MTSS1: variants seen among roughly 807,000 people sequenced by gnomAD.
MTSS1 encodes the protein protein MTSS 1.
In MTSS1, 18 loss-of-function variants were observed where a neutral mutation model predicts 79.0. The ratio of observed to expected loss-of-function variants is 0.23; its 90% CI spans 0.16 to 0.34. MTSS1 has a LOEUF of 0.34. MTSS1 is among the 10% of genes least tolerant of loss of function. The probability of loss-of-function intolerance (pLI) is 1.00; values close to 1 mark genes in which losing one functional copy is unlikely to be tolerated. For missense variants in MTSS1, 815 were observed against 986.2 expected (o/e 0.83, Z 2.33); for synonymous variants, 341 against 368.6 (o/e 0.93, Z 0.86).
intron 3 of MTSS1, among the ~76,000 whole-genome samples, chr8:124,681,196 T>A (rs1826071492): frequency 6.8e-6 from 1 of 146,906 alleles, no homozygotes; most frequent in African/African-American, 2.6e-5. Flanking sequence ...ACAGAGAAGC[T>A]GTGACATTTA....
intron 1 of MTSS1, among the ~76,000 whole-genome samples, chr8:124,710,728 A>G (rs547815904): frequency 6.6e-6 from 1 of 152,306 alleles, no homozygotes; most frequent in South Asian, 2.1e-4. Context: ...GGTGCTCCAT[A>G]AATAATGCAG....
At chr8:124,681,759 GC>G (rs1420165644) in intron 3 of MTSS1, among the ~76,000 whole-genome samples, 3 of 152,144 alleles carry the variant, frequency 2.0e-5, no homozygotes, top group African/African-American at 7.2e-5. Context: ...TTGCACTCCA[GC>G]CTCAGTGACA....
intron 4 of MTSS1, 65 bp from the exon 5 acceptor site, chr8:124,589,776 A>C: frequency 8.4e-7 from 1 of 1,195,142 alleles, no homozygotes; most frequent in African/African-American, 1.5e-5. Flanking sequence ...CAGGATTTAA[A>C]TGTGGTTGTC....
chr8:124,586,382 G>T (rs911071352), intron 5 of MTSS1, among the ~76,000 whole-genome samples: 3 of 152,120 alleles, frequency 2.0e-5, no homozygotes, highest in African/African-American at 7.2e-5. Flanking sequence ...CTGCTCTAAC[G>T]TCAGCGTGAT....
At chr8:124,633,288 G>A (rs1478170026) in intron 3 of MTSS1, among the ~76,000 whole-genome samples, 1 of 152,148 alleles carries the variant, frequency 6.6e-6, no homozygotes, top group African/African-American at 2.4e-5. Flanking sequence ...AAACCTCTTG[G>A]GAACTCATCT....
At position 124,728,207 on chromosome 8, in the gene MTSS1, T is replaced by C. The variant is rs951784892; in HGVS notation, c.-252A>G. 3 of 352,312 alleles carry C rather than the reference T, an allele frequency of 8.5e-6. No homozygotes were observed. Among genetic ancestry groups the C allele is most frequent in the African/African-American group, 6.4e-5 (3 of 46,694 alleles). 21.8% of individuals were successfully genotyped at this position (352,312 alleles called of 1,614,324 possible). ...AGCGCTCGGCTCCTGGCCTTAAAAA[T>C]GCCGGGAGAAGACTGACAATCAGGC... is the stretch of plus-strand genomic sequence containing the variant. On this transcript the variant is annotated 5_prime_UTR_variant, in exon 1 of 14. Transcript: ENST00000518547. The surrounding 1 kb of genome is among the most constrained non-coding windows in gnomAD (Gnocchi z 6.1).
intron 3 of MTSS1, among the ~76,000 whole-genome samples, chr8:124,622,001 C>T (rs967501561): frequency 3.3e-5 from 5 of 152,058 alleles, no homozygotes; most frequent in African/African-American, 1.2e-4. Context: ...TGGCTTCACT[C>T]TCTCAGTTAA....
intron 3 of MTSS1, among the ~76,000 whole-genome samples, chr8:124,599,047 C>A (rs1476837143): frequency 1.3e-5 from 2 of 152,340 alleles, no homozygotes; most frequent in Middle Eastern, 3.4e-3. Context: ...TACAAAACAG[C>A]AGCTGGAACC....
intron 3 of MTSS1, among the ~76,000 whole-genome samples, chr8:124,658,668 G>A (rs569249392): frequency 2.0e-4 from 30 of 152,288 alleles, no homozygotes; most frequent in African/African-American, 6.7e-4. Context: ...GCAGGAGGGA[G>A]AGACAGAAGG....
At chr8:124,640,394 C>T (rs1280190130) in intron 3 of MTSS1, among the ~76,000 whole-genome samples, 1 of 152,216 alleles carries the variant, frequency 6.6e-6, no homozygotes, top group African/African-American at 2.4e-5. Flanking sequence ...GGGCCAAGGC[C>T]TTCTCTTTAG....
In MTSS1 at chr8:124,589,723, C is replaced by T. The variant is rs74948302; in HGVS notation, c.294-12G>A. On this transcript the variant is annotated splice_polypyrimidine_tract_variant and intron_variant, in intron 4 of 13. Coordinates refer to ENST00000518547, the MANE Select transcript of MTSS1 (RefSeq NM_014751.6). ...AATCAATTAAAGCGCTTTTACCAAG[C>T]GGGGGGGAAAAAGGGAGAAATTAAA... 0.076 allele frequency: 120,169 copies of T among 1,574,714 alleles called. 5,240 individuals are homozygous for T. Among genetic ancestry groups the T allele is most frequent in the Middle Eastern group, 0.089 (531 of 5,948 alleles).
At chr8:124,684,629 T>G (rs1243348261) in intron 3 of MTSS1, among the ~76,000 whole-genome samples, 1 of 152,084 alleles carries the variant, frequency 6.6e-6, no homozygotes, top group East Asian at 1.9e-4. Context: ...TAATAACACT[T>G]TCTTTGTGAG....
chr8:124,553,461 C>T lies in MTSS1; in HGVS notation c.1799G>A (p.Arg600His), dbSNP rs367765263. The change falls in exon 14 of 14, where the codon CGC (arginine) becomes CAC (histidine). Residue 600 changes from arginine (R) to histidine (H), a missense_variant. Transcript: ENST00000518547. The surrounding 1 kb of genome is among the most constrained non-coding windows in gnomAD (Gnocchi z 6.0). ...RRTPSTKPSV[R>H]RGTIGAGPIP... ...GGGACCAGCTCCAATGGTTCCCCGGCGGACAGAAGGCTTGGTGGAAGGGGT... is the reference window on the plus strand; with the variant it reads ...GGGACCAGCTCCAATGGTTCCCCGGTGGACAGAAGGCTTGGTGGAAGGGGT... 15 of 1,608,628 alleles carry T rather than the reference C, an allele frequency of 9.3e-6. No individual in the cohort carries two copies. The highest frequency in any genetic ancestry group is 4.5e-5 in the East Asian group (2 of 44,712).
At chr8:124,682,135 C>T (rs957797215) in intron 3 of MTSS1, among the ~76,000 whole-genome samples, 2 of 152,234 alleles carry the variant, frequency 1.3e-5, no homozygotes, top group African/African-American at 4.8e-5. Flanking sequence ...AGCAGCCATG[C>T]ACTTTCTTAA....
intron 6 of MTSS1, among the ~76,000 whole-genome samples, chr8:124,570,260 A>G (rs1226911272): frequency 6.6e-6 from 1 of 152,198 alleles, no homozygotes; most frequent in Non-Finnish European, 1.5e-5. Flanking sequence ...TAAATACAGT[A>G]TGGACAGCTT....
chr8:124,563,025 A>G (rs911447761), intron 9 of MTSS1, 33 bp from the exon 10 acceptor site: 1 of 1,561,744 alleles, frequency 6.4e-7, no homozygotes, highest in South Asian at 1.2e-5. Flanking sequence ...AGGGGTGGGC[A>G]CGGAAGGTAA....
At chr8:124,635,368 G>A (rs1816786621) in intron 3 of MTSS1, among the ~76,000 whole-genome samples, 1 of 152,206 alleles carries the variant, frequency 6.6e-6, no homozygotes, top group Non-Finnish European at 1.5e-5. Flanking sequence ...TCATCCTTCA[G>A]GTAGCAGGTG....
At chr8:124,704,079 C>A in intron 2 of MTSS1, 51 bp downstream of exon 2, 1 of 1,561,970 alleles carries the variant, frequency 6.4e-7, no homozygotes, top group Non-Finnish European at 8.8e-7. Context: ...CCCACTCCAT[C>A]CTTGTCTGAG....
In MTSS1 at chr8:124,660,432, G is replaced by GCACACACACACA. The variant is rs5894719; in HGVS notation, c.208+39082_208+39093dup. 8.5e-5 allele frequency among the ~76,000 whole-genome samples: 12 copies of GCACACACACACA among 140,798 alleles called. 1 individual carries two copies. Among genetic ancestry groups the GCACACACACACA allele is most frequent in the Middle Eastern group, 3.6e-3 (1 of 274 alleles). 92.4% of individuals were successfully genotyped at this position (140,798 alleles called of 152,430 possible). On this transcript the variant is annotated intron_variant, in intron 3 of 13. Coordinates refer to ENST00000518547, the MANE Select transcript of MTSS1 (RefSeq NM_014751.6). ...TATTTAGAAAGTTGCCCATGCGCAT[G>GCACACACACACA]CACACACACACACACACACACACAC...
Sources: allele counts gnomAD v4.1 joint callset (sites outside exome capture counted in the v4.1 genomes callset), GRCh38; gene constraint gnomAD v4.1.1; non-coding constraint Gnocchi (gnomAD v3.1); transcripts MANE v1.5; gene names NCBI Gene and HGNC (gene_info 2026-07-23, HGNC 2026-07-21).